CSMD1: variants seen among roughly 807,000 people sequenced by gnomAD.
CSMD1 encodes CUB and sushi domain-containing protein 1.
In CSMD1, 213 loss-of-function variants were observed where a neutral mutation model predicts 417.5. That is an observed-to-expected ratio of 0.51 (90% CI 0.46 to 0.57). The LOEUF (loss-of-function observed/expected upper bound fraction) is 0.57, where lower values mean the gene tolerates loss of function less well. Ranked by LOEUF, CSMD1 falls within the 20% of genes least tolerant of loss-of-function variation. The pLI, the probability that CSMD1 is intolerant of heterozygous loss-of-function variation, is 0.00. For synonymous variants in CSMD1, 2,862 were observed against 1,736.8 expected, an observed-to-expected ratio of 1.65 and a Z score of -16.11; for missense variants, 6,923 against 4,529.7, an observed-to-expected ratio of 1.53 and a Z score of -15.17.
At chr8:4,340,956 T>C (rs975741085) in intron 3 of CSMD1, among the ~76,000 whole-genome samples, 1 of 152,118 alleles carries the variant, frequency 6.6e-6, no homozygotes, top group Non-Finnish European at 1.5e-5. Context: ...GTCTGTACTC[T>C]GCGGGTTTAT....
intron 12 of CSMD1, among the ~76,000 whole-genome samples, chr8:3,454,904 T>C (rs956397292): frequency 5.6e-4 from 85 of 152,320 alleles, no homozygotes; most frequent in Middle Eastern, 3.4e-3. Context: ...TCCTGCAGAG[T>C]GTTTTCCAAC....
chr8:4,598,329 A>C (rs781367280), intron 2 of CSMD1, among the ~76,000 whole-genome samples: 2 of 152,198 alleles, frequency 1.3e-5, no homozygotes, highest in Non-Finnish European at 2.9e-5. Flanking sequence ...CTAGCAGTCT[A>C]AACAGCTGAA....
chr8:3,880,851 A>G (rs754605169), intron 5 of CSMD1, among the ~76,000 whole-genome samples: 24 of 152,182 alleles, frequency 1.6e-4, no homozygotes, highest in Non-Finnish European at 3.2e-4. Context: ...GCGCATTTAT[A>G]TTTTTTCTAA....
intron 2 of CSMD1, among the ~76,000 whole-genome samples, chr8:4,455,399 C>A (rs576711989): frequency 1.3e-5 from 2 of 152,212 alleles, no homozygotes; most frequent in South Asian, 4.2e-4. Context: ...ATTTTATACA[C>A]AGCTGTCATG....
chr8:3,368,925 G>A (rs1004086593), intron 19 of CSMD1, among the ~76,000 whole-genome samples: 9 of 152,168 alleles, frequency 5.9e-5, no homozygotes, highest in African/African-American at 1.7e-4. Flanking sequence ...TTGGACAATC[G>A]CTTATTTCCC....
rs117559668 is a variant in CSMD1, at chr8:3,778,181, G to T, written c.819-24139C>A. Among the ~76,000 whole-genome samples the T allele has an allele frequency of 3.0e-3, 457 of 152,340 alleles. 1 individual carries two copies. Among genetic ancestry groups the T allele is most frequent in the Non-Finnish European group, 4.5e-3 (306 of 68,034 alleles). ...CAGGATAGATTAGAGGCGTCAGCAG[G>T]GGGCAGGGACGGGATCCTGGCCGTT... On this transcript the variant is annotated intron_variant, in intron 5 of 69. Transcript: ENST00000635120.
intron 41 of CSMD1, among the ~76,000 whole-genome samples, chr8:3,137,537 C>T (rs1818174130): frequency 6.6e-6 from 1 of 152,164 alleles, no homozygotes; most frequent in Admixed American, 6.5e-5. Context: ...AGTAAGGCAT[C>T]CTTTAAACAT....
At chr8:4,288,687 G>A (rs557136206) in intron 3 of CSMD1, among the ~76,000 whole-genome samples, 1 of 152,088 alleles carries the variant, frequency 6.6e-6, no homozygotes, top group East Asian at 1.9e-4. Context: ...TTGTAACCTC[G>A]TTGTAGAGTC....
At chr8:3,336,934 TA>T (rs949200426) in intron 23 of CSMD1, among the ~76,000 whole-genome samples, 52 of 152,178 alleles carry the variant, frequency 3.4e-4, no homozygotes, top group South Asian at 2.1e-4. Flanking sequence ...AATGCTCCCC[TA>T]AAAAAAGTCA....
chr8:3,952,185 T>C (rs1177253031), intron 5 of CSMD1, among the ~76,000 whole-genome samples: 1 of 152,180 alleles, frequency 6.6e-6, no homozygotes, highest in African/African-American at 2.4e-5. Context: ...AAACTGTTCA[T>C]GGTGTCTCCG....
At chr8:3,023,101 C>T (rs908135010) in intron 51 of CSMD1, among the ~76,000 whole-genome samples, 1 of 152,322 alleles carries the variant, frequency 6.6e-6, no homozygotes, top group African/African-American at 2.4e-5. Context: ...ACAATGACTA[C>T]GCTGTGGTTT....
rs1805580573 is a variant in CSMD1 at position 4,674,931 on chromosome 8, G to C, written c.86-37373C>G. On this transcript the variant is annotated intron_variant, in intron 1 of 69. Coordinates refer to ENST00000635120, the MANE Select transcript of CSMD1 (RefSeq NM_033225.6). ...AGTCCCTTTATAAGAAGAGATGCTA[G>C]AGAGGCTGCTTCCTCATTCTCCTCC... Among the ~76,000 whole-genome samples, 3 of 152,170 alleles carry C rather than the reference G, an allele frequency of 2.0e-5. No individual in the cohort carries two copies. In the South Asian group the frequency reaches 6.2e-4, roughly 32 times the overall value.
intron 3 of CSMD1, among the ~76,000 whole-genome samples, chr8:4,069,868 G>A (rs1464243654): frequency 2.6e-5 from 4 of 151,628 alleles, no homozygotes; most frequent in Admixed American, 2.0e-4. Flanking sequence ...ATCCGGTACT[G>A]CAACAGTAAG....
intron 2 of CSMD1, among the ~76,000 whole-genome samples, chr8:4,491,026 G>C (rs967819801): frequency 6.6e-6 from 1 of 152,150 alleles, no homozygotes; most frequent in African/African-American, 2.4e-5. Context: ...CATGTAGGCA[G>C]CTCCTATGGT....
At chr8:4,806,708 A>G (rs143820652) in intron 1 of CSMD1, among the ~76,000 whole-genome samples, 56 of 152,362 alleles carry the variant, frequency 3.7e-4, no homozygotes, top group African/African-American at 1.3e-3. Context: ...CATGTAGAGT[A>G]TGCTTTGTTG....
At chr8:3,106,169 C>T (rs114922604) in intron 46 of CSMD1, among the ~76,000 whole-genome samples, 2,525 of 147,968 alleles carry the variant, frequency 0.017, 30 homozygotes, top group Middle Eastern at 0.076. Context: ...GTAGATAGCT[C>T]GAGTCCAGAA....
intron 1 of CSMD1, among the ~76,000 whole-genome samples, chr8:4,649,798 T>A (rs1402178716): frequency 6.6e-6 from 1 of 152,254 alleles, no homozygotes; most frequent in African/African-American, 2.4e-5. Flanking sequence ...TCTTTAGTTT[T>A]ATTTCATAAG....
chr8:3,105,268 G>C (rs12550417), intron 46 of CSMD1, among the ~76,000 whole-genome samples: 63,412 of 152,024 alleles, frequency 0.42, 15,060 homozygotes, highest in South Asian at 0.6. Context: ...TCTGGCTCCG[G>C]GTCCTGTCTT....
chr8:3,618,864 C>T (rs1802277779), intron 7 of CSMD1, among the ~76,000 whole-genome samples: 1 of 152,162 alleles, frequency 6.6e-6, no homozygotes, highest in Non-Finnish European at 1.5e-5. Flanking sequence ...TGACCAGTTT[C>T]CTCTCTAGGT....
Sources: gnomAD v4.1 joint callset for allele counts (sites outside exome capture counted in the v4.1 genomes callset) on GRCh38, gnomAD v4.1.1 for gene constraint, MANE v1.5 for transcripts, NCBI Gene and HGNC (gene_info 2026-07-23, HGNC 2026-07-21) for gene names.